ZNF432: variants seen among roughly 807,000 people sequenced by gnomAD.
ZNF432 encodes the protein zinc finger protein 432.
ZNF432 carries 10 observed loss-of-function variants against 13.9 expected under a neutral mutation model. The ratio of observed to expected loss-of-function variants is 0.72; its 90% CI spans 0.44 to 1.22. The LOEUF (loss-of-function observed/expected upper bound fraction) is 1.22, where lower values mean the gene tolerates loss of function less well. ZNF432 is among the 50% of genes most tolerant of loss of function. The pLI is 0.00. For synonymous variants in ZNF432, 247 were observed against 256.2 expected (o/e 0.96, Z 0.34); for missense variants, 793 against 796.2 (o/e 1.00, Z 0.05).
Position 52,034,461 on chromosome 19 carries a change from A to G in ZNF432, c.1218T>C (p.Cys406=), listed in dbSNP as rs779328975. Residue 406 remains cysteine, a synonymous_variant, in exon 5 of 5, where the codon TGT becomes TGC. Coordinates refer to ENST00000221315, the MANE Select transcript of ZNF432 (RefSeq NM_014650.4). The part of the protein sequence containing the change: ...TGEKPYICSE[C]GKGFPRKSNL... ...TACTCTTCCTGGGAAAGCCTTTTCC[A>G]CATTCACTGCATATGTAGGGTTTCT... The G allele has an allele frequency of 4.3e-6, 7 of 1,614,094 alleles. No homozygotes were observed. The highest frequency in any genetic ancestry group is 5.9e-6 in the Non-Finnish European group (7 of 1,180,002).
At position 52,031,957 on chromosome 19, in the gene ZNF432, A is replaced by G. The variant is rs2087018301; in HGVS notation, c.*1763T>C. On this transcript the variant is annotated 3_prime_UTR_variant, in exon 5 of 5. Transcript: ENST00000221315. ...GGTTGCAGTGAGCCAAGATCGTGCT[A>G]TTACACTCCAACCTGGGCAACAAGA... The G allele has an allele frequency of 6.6e-6, 1 of 152,188 alleles. No homozygotes were observed. The highest frequency in any genetic ancestry group is 1.5e-5 in the Non-Finnish European group (1 of 68,024). 9.4% of individuals were successfully genotyped at this position (152,188 alleles called of 1,614,324 possible).
At chr19:52,038,706 T>C (rs2087107199) in intron 4 of ZNF432, among the ~76,000 whole-genome samples, 1 of 152,266 alleles carries the variant, frequency 6.6e-6, no homozygotes, top group Non-Finnish European at 1.5e-5. Context: ...CTATGTTCTC[T>C]GTATTCCTTA....
At chr19:52,046,348 G>A (rs1299979592) in intron 2 of ZNF432, among the ~76,000 whole-genome samples, 3 of 152,022 alleles carry the variant, frequency 2.0e-5, no homozygotes, top group Non-Finnish European at 2.9e-5. Context: ...CCTTGCTTTC[G>A]TCCCCTAAAA....
chr19:52,039,657 C>T (rs563628299), intron 4 of ZNF432, among the ~76,000 whole-genome samples: 7 of 150,450 alleles, frequency 4.7e-5, no homozygotes, highest in Admixed American at 4.6e-4. Context: ...CATGGTGAAA[C>T]CCTGTCTCTA....
chr19:52,046,839 T>C lies in ZNF432; in HGVS notation c.15+15A>G. 1 of 1,613,468 alleles carries C rather than the reference T, an allele frequency of 6.2e-7. No homozygotes were observed. Among genetic ancestry groups the C allele is most frequent in the Non-Finnish European group, 8.5e-7 (1 of 1,179,622 alleles). ...CTATGGAATAAAGGAGAGAATAAAA[T>C]AGAGAAAAAGTCACCTGGGCATTGA... On this transcript the variant is annotated intron_variant, in intron 2 of 4. Coordinates refer to ENST00000221315, the MANE Select transcript of ZNF432 (RefSeq NM_014650.4).
intron 2 of ZNF432, among the ~76,000 whole-genome samples, chr19:52,044,405 GA>G (rs201271972): frequency 0.02 from 3,090 of 151,282 alleles, 103 homozygotes; most frequent in African/African-American, 0.071. Context: ...AATTTTATGA[GA>G]AAAAAAATTT....
Position 52,034,027 on chromosome 19 carries a change from G to A in ZNF432, c.1652C>T (p.Thr551Ile), listed in dbSNP as rs550687283. The A allele has an allele frequency of 6.2e-7, 1 of 1,614,070 alleles. No individual in the cohort carries two copies. The highest frequency in any genetic ancestry group is 2.2e-5 in the East Asian group (1 of 44,896). Residue 551 changes from threonine to isoleucine, a missense_variant, in exon 5 of 5, where the codon ACC (threonine) becomes ATC (isoleucine). Coordinates refer to ENST00000221315, the MANE Select transcript of ZNF432 (RefSeq NM_014650.4). The stretch of plus-strand genomic sequence containing the variant: ...ATGTACAATGAGATAGCGTTTCATG[G>A]TGAAGCCTTTTCCACATTCACTGCA... Reference protein sequence around the residue: ...FMCSECGKGFTMKRYLIVHQQ... With the variant: ...FMCSECGKGFIMKRYLIVHQQ...
rs1352183787 is a variant in ZNF432 at position 52,034,116 on chromosome 19, AC to A, written c.1562del (p.Gly521ValfsTer32). 6 of 1,613,528 alleles carry A rather than the reference AC, an allele frequency of 3.7e-6. No homozygotes were observed. The highest frequency in any genetic ancestry group is 4.2e-6 in the Non-Finnish European group (5 of 1,179,816). On this transcript the variant is annotated frameshift_variant, in exon 5 of 5. Coordinates refer to ENST00000221315, the MANE Select transcript of ZNF432 (RefSeq NM_014650.4). LOFTEE classifies it low-confidence loss of function (END_TRUNC). ...KPYICNECGKGFAFKSNLVVH... is the reference protein window; with the variant it reads ...KPYICNECGKXFAFKSNLVVH... ...CAACAAGATTGCTCTTAAAGGCAAA[AC>A]CTTTTCCACATTCATTGCATATGTA...
chr19:52,037,345 C>T (rs997414267), intron 4 of ZNF432, among the ~76,000 whole-genome samples: 3 of 152,074 alleles, frequency 2.0e-5, no homozygotes, highest in Non-Finnish European at 2.9e-5. Flanking sequence ...AGCTGTGTTG[C>T]GTTATCATAT....
chr19:52,033,560 C>A lies in ZNF432; in HGVS notation c.*160G>T, dbSNP rs2087036248. The stretch of plus-strand genomic sequence containing the variant: ...TTCAGAGCCTGAATTCATGTTGAAG[C>A]CTTTCTGACATTGATAGCATTCATC... On this transcript the variant is annotated 3_prime_UTR_variant, in exon 5 of 5. Coordinates refer to ENST00000221315, the MANE Select transcript of ZNF432 (RefSeq NM_014650.4). 1 of 774,978 alleles carries A rather than the reference C, an allele frequency of 1.3e-6. No individual in the cohort carries two copies. Among genetic ancestry groups the A allele is most frequent in the East Asian group, 2.7e-5 (1 of 37,448 alleles). The allele number at this position is 774,978 out of a possible 1,614,324, so 48.0% of individuals were successfully genotyped here. A position where few individuals can be genotyped will look rare whatever the true frequency, so the allele number is the denominator to read the frequency against.
At position 52,034,082 on chromosome 19, in the gene ZNF432, G is replaced by C. The variant is rs374119708; in HGVS notation, c.1597C>G (p.Arg533Gly). 1 of 1,614,064 alleles carries C rather than the reference G, an allele frequency of 6.2e-7. No individual in the cohort carries two copies. Among genetic ancestry groups the C allele is most frequent in the Non-Finnish European group, 8.5e-7 (1 of 1,179,972 alleles). Residue 533 changes from arginine (R) to glycine (G), a missense_variant, in exon 5 of 5, where the codon CGA (arginine) becomes GGA (glycine). Physicochemically the swap from Arg to Gly is moderately radical, Grantham distance 125 (BLOSUM62 -2). Transcript: ENST00000221315. The part of the protein sequence containing the change: ...AFKSNLVVHQ[R>G]THTGEKPFMC... Reference sequence around the variant, plus strand: ...AAGGGTTTCTCTCCAGTATGAGTTCGCTGGTGTACAACAAGATTGCTCTTA... The same window carrying C: ...AAGGGTTTCTCTCCAGTATGAGTTCCCTGGTGTACAACAAGATTGCTCTTA...
Position 52,035,021 on chromosome 19 carries a change from G to A in ZNF432, c.658C>T (p.Leu220Phe). 6.2e-7 allele frequency: 1 copy of A among 1,614,046 alleles called. No individual in the cohort carries two copies. The highest frequency in any genetic ancestry group is 1.1e-5 in the South Asian group (1 of 91,064). The change falls in exon 5 of 5, where the codon CTC (leucine) becomes TTC (phenylalanine). Residue 220 changes from leucine to phenylalanine, a missense_variant. Physicochemically the swap from Leu to Phe is conservative, Grantham distance 22. Coordinates refer to ENST00000221315, the MANE Select transcript of ZNF432 (RefSeq NM_014650.4). ...GTATGAACTCTCTCATGATCAGTGA[G>A]CTGAGACTTCTTGACAAACGCTTTC... The part of the protein sequence containing the change: ...CGKAFVKKSQ[L>F]TDHERVHTGE...
rs761485780 is a variant in ZNF432, at chr19:52,034,933, T to C, written c.746A>G (p.Asn249Ser). ...AKVFSRKSRL[N>S]EHQRIHKREK... ...TCTTTTATGAATTCTTTGATGTTCATTTAGCCTGGACTTTCTGGAGAACAC... is the reference window on the plus strand; with the variant it reads ...TCTTTTATGAATTCTTTGATGTTCACTTAGCCTGGACTTTCTGGAGAACAC... The change falls in exon 5 of 5, where the codon AAT becomes AGT. Residue 249 changes from asparagine to serine, a missense_variant. Physicochemically the swap from Asn to Ser is conservative, Grantham distance 46. Transcript: ENST00000221315. The C allele has an allele frequency of 1.9e-6, 3 of 1,612,654 alleles. No homozygotes were observed. Among genetic ancestry groups the C allele is most frequent in the Admixed American group, 1.7e-5 (1 of 59,686 alleles).
chr19:52,041,556 C>T lies in ZNF432; in HGVS notation c.66G>A (p.Trp22Ter), dbSNP rs1392105517. The change falls in exon 3 of 5, where the codon TGG (tryptophan) becomes TGA (stop). Residue 22 changes from tryptophan to a stop codon, truncating the protein, a stop_gained. Coordinates refer to ENST00000221315, the MANE Select transcript of ZNF432 (RefSeq NM_014650.4). LOFTEE classifies it high-confidence loss of function. Reference protein sequence around the residue: ...DVTVEFTWEEWQLLGPFQKDL... With the variant: ...DVTVEFTWEE The stretch of plus-strand genomic sequence containing the variant: ...CCTTCTGAAAAGGGCCCAGGAGCTG[C>T]CACTCCTCCCAGGTGAACTCCACAG... The T allele has an allele frequency of 6.2e-7, 1 of 1,613,404 alleles. No individual in the cohort carries two copies. The highest frequency in any genetic ancestry group is 1.1e-5 in the South Asian group (1 of 91,014).
At chr19:52,044,800 G>A (rs970587706) in intron 2 of ZNF432, among the ~76,000 whole-genome samples, 2 of 152,184 alleles carry the variant, frequency 1.3e-5, no homozygotes, top group Non-Finnish European at 2.9e-5. Flanking sequence ...ACTTTACATA[G>A]TTTAACAATG....
Position 52,045,957 on chromosome 19 carries a change from G to A in ZNF432, c.15+897C>T, listed in dbSNP as rs911459732. 2.1e-5 allele frequency among the ~76,000 whole-genome samples: 3 copies of A among 140,024 alleles called. No individual in the cohort carries two copies. The Admixed American group carries it at 2.3e-4, about 11-fold the overall frequency. 91.9% of individuals were successfully genotyped at this position (140,024 alleles called of 152,430 possible). A position where few individuals can be genotyped will look rare whatever the true frequency, so the allele number is the denominator to read the frequency against. On this transcript the variant is annotated intron_variant, in intron 2 of 4. Coordinates refer to ENST00000221315, the MANE Select transcript of ZNF432 (RefSeq NM_014650.4). ...TTGCAGTAAGCCAAGATCACGCACT[G>A]CACTCCGGCTTGGGCAACAGAGTGA...
At position 52,034,921 on chromosome 19, in the gene ZNF432, C is replaced by A. The variant is rs183925976; in HGVS notation, c.758G>T (p.Arg253Ile). 1.5e-5 allele frequency: 24 copies of A among 1,612,776 alleles called. No homozygotes were observed. The highest frequency in any genetic ancestry group is 6.7e-5 in the East Asian group (3 of 44,880). The change falls in exon 5 of 5, where the codon AGA (arginine) becomes ATA (isoleucine). Residue 253 changes from arginine (R) to isoleucine (I), a missense_variant. Arg to Ile is a moderately conservative substitution (Grantham distance 97). Transcript: ENST00000221315. ...SRKSRLNEHQ[R>I]IHKREKSFIC... ...AAAAGATTTCTCTCTTTTATGAATT[C>A]TTTGATGTTCATTTAGCCTGGACTT...
chr19:52,043,441 A>T (rs2087153680), intron 2 of ZNF432, among the ~76,000 whole-genome samples: 2 of 152,020 alleles, frequency 1.3e-5, no homozygotes, highest in South Asian at 2.1e-4. Flanking sequence ...GGCCGCAGGG[A>T]CCTCTGCCTA....
rs778044976 is a variant in ZNF432 at position 52,046,822 on chromosome 19, T to A, written c.15+32A>T. 1.9e-6 allele frequency: 3 copies of A among 1,610,398 alleles called. No homozygotes were observed. In the African/African-American group the frequency reaches 4.0e-5, roughly 22 times the overall value. ...GGGTCTCTACAAATCCACTATGGAATAAAGGAGAGAATAAAATAGAGAAAA... is the reference window on the plus strand; with the variant it reads ...GGGTCTCTACAAATCCACTATGGAAAAAAGGAGAGAATAAAATAGAGAAAA... On this transcript the variant is annotated intron_variant, in intron 2 of 4. Coordinates refer to ENST00000221315, the MANE Select transcript of ZNF432 (RefSeq NM_014650.4).
Sources: allele counts gnomAD v4.1 joint callset (sites outside exome capture counted in the v4.1 genomes callset), GRCh38; gene constraint gnomAD v4.1.1; transcripts MANE v1.5; gene names NCBI Gene and HGNC (gene_info 2026-07-23, HGNC 2026-07-21).